FGD3: variants seen among roughly 807,000 people sequenced by gnomAD.
FGD3 encodes the protein FYVE, RhoGEF and PH domain-containing protein 3.
In FGD3, 45 loss-of-function variants were observed where a neutral mutation model predicts 71.8. The ratio of observed to expected loss-of-function variants is 0.63; its 90% CI spans 0.49 to 0.80. FGD3 has a LOEUF of 0.80. FGD3 is among the 30% of genes least tolerant of loss of function. The probability of loss-of-function intolerance (pLI) is 0.00; values close to 1 mark genes in which losing one functional copy is unlikely to be tolerated. For synonymous variants in FGD3, 378 were observed against 392.8 expected, an observed-to-expected ratio of 0.96 and a Z score of 0.44; for missense variants, 844 against 951.5, an observed-to-expected ratio of 0.89 and a Z score of 1.49.
chr9:93,032,648 C>T, intron 15 of FGD3, 121 bp from the exon 16 acceptor site: 1 of 909,494 alleles, frequency 1.1e-6, no homozygotes, highest in Non-Finnish European at 1.8e-6. Flanking sequence ...CGCCACACGC[C>T]ACACTGTGTT....
intron 8 of FGD3, among the ~76,000 whole-genome samples, chr9:93,011,538 C>T (rs1444500300): frequency 6.6e-6 from 1 of 152,216 alleles, no homozygotes; most frequent in Non-Finnish European, 1.5e-5. Context: ...GAGCCTGTCT[C>T]ACTGGGCATC....
At chr9:92,965,005 C>T (rs2118529456) in intron 1 of FGD3, among the ~76,000 whole-genome samples, 1 of 152,356 alleles carries the variant, frequency 6.6e-6, no homozygotes, top group South Asian at 2.1e-4. Context: ...GCTGCGCCCA[C>T]CAAAGCCTCC....
intron 1 of FGD3, among the ~76,000 whole-genome samples, chr9:92,962,272 C>A (rs1400293703): frequency 1.3e-5 from 2 of 152,212 alleles, no homozygotes; most frequent in Non-Finnish European, 2.9e-5. Context: ...TTTATCATGA[C>A]CCTCTTAGGA....
At chr9:92,996,366 TTTC>T (rs1259928075) in intron 3 of FGD3, among the ~76,000 whole-genome samples, 2 of 152,216 alleles carry the variant, frequency 1.3e-5, no homozygotes, top group African/African-American at 4.8e-5. Context: ...TTTTCTCTCT[TTTC>T]TTCTTTATTA....
Position 93,013,228 on chromosome 9 carries a change from C to A in FGD3, c.1036-624C>A, listed in dbSNP as rs76407858. Among the ~76,000 whole-genome samples, 76 of 152,370 alleles carry A rather than the reference C, an allele frequency of 5.0e-4. 2 individuals carry two copies. In the East Asian group the frequency reaches 0.015, roughly 29 times the overall value. On this transcript the variant is annotated intron_variant, in intron 8 of 17. Coordinates refer to ENST00000375482, the MANE Select transcript of FGD3 (RefSeq NM_001083536.2). ...CAGAGACGGAAGGGTCAGCCAAACCCAGCCGCCTCCAGGATGTACAGGCTG... is the reference window on the plus strand; with the variant it reads ...CAGAGACGGAAGGGTCAGCCAAACCAAGCCGCCTCCAGGATGTACAGGCTG...
chr9:92,971,174 GGACTTCA>G (rs1385723879), intron 1 of FGD3, among the ~76,000 whole-genome samples: 1 of 152,154 alleles, frequency 6.6e-6, no homozygotes, highest in African/African-American at 2.4e-5. Context: ...CTGGGGGCTA[GGACTTCA>G]GTGTGTGAAT....
chr9:92,948,407 G>T (rs1168434789), intron 1 of FGD3, among the ~76,000 whole-genome samples: 1 of 152,254 alleles, frequency 6.6e-6, no homozygotes, highest in Admixed American at 6.5e-5. Context: ...AGGCCGCAAG[G>T]CTGGCCGTGT....
chr9:92,965,142 T>G (rs527757433), intron 1 of FGD3, among the ~76,000 whole-genome samples: 19 of 152,288 alleles, frequency 1.2e-4, no homozygotes, highest in African/African-American at 4.6e-4. Context: ...TTGTGCCCAC[T>G]GTGCAGAGGG....
In FGD3 at chr9:93,003,286, G is replaced by A. The variant is rs139284637; in HGVS notation, c.543+272G>A. On this transcript the variant is annotated intron_variant, in intron 4 of 17. Transcript: ENST00000375482. The surrounding 1 kb of genome is among the most constrained non-coding windows in gnomAD (Gnocchi z 4.1). ...TGGGACTACAGGCACATGCCACCAC[G>A]CCCAGCTAATTTTTGTATTTATAGT... 0.017 allele frequency among the ~76,000 whole-genome samples: 2,651 copies of A among 152,106 alleles called. 50 individuals carry two copies. The highest frequency in any genetic ancestry group is 0.045 in the Admixed American group (689 of 15,280).
In FGD3 at chr9:92,992,448, T is replaced by C. The variant is rs11531839; in HGVS notation, c.454-10477T>C. Among the ~76,000 whole-genome samples, 2,775 of 152,288 alleles carry C rather than the reference T, an allele frequency of 0.018. 250 individuals are homozygous for C. The East Asian group carries it at 0.29, about 16-fold the overall frequency. ...GATGAATTCCCTTAGATTTTGCTTG[T>C]TGGTTAAAGATTTTATTCCTCATTC... On this transcript the variant is annotated intron_variant, in intron 3 of 17. Transcript: ENST00000375482.
intron 1 of FGD3, among the ~76,000 whole-genome samples, chr9:92,965,364 C>G (rs545399951): frequency 6.6e-6 from 1 of 152,212 alleles, no homozygotes; most frequent in African/African-American, 2.4e-5. Flanking sequence ...GCTGACTTGC[C>G]CTGGGCCCCC....
intron 13 of FGD3, among the ~76,000 whole-genome samples, chr9:93,020,879 G>A (rs572150697): frequency 3.9e-5 from 6 of 152,342 alleles, no homozygotes; most frequent in Middle Eastern, 3.4e-3. Flanking sequence ...AAGTGCCGCT[G>A]CAGCCTGCTG....
chr9:92,954,928 G>A (rs1192879502), intron 1 of FGD3, among the ~76,000 whole-genome samples: 2 of 152,328 alleles, frequency 1.3e-5, no homozygotes, highest in Non-Finnish European at 2.9e-5. Flanking sequence ...GATGCTTGGA[G>A]CATCGTTGCC....
At chr9:92,961,027 G>A (rs1859158431) in intron 1 of FGD3, among the ~76,000 whole-genome samples, 1 of 152,050 alleles carries the variant, frequency 6.6e-6, no homozygotes, top group Non-Finnish European at 1.5e-5. Context: ...CCTGGTGGGC[G>A]GGCACTCCCC....
intron 6 of FGD3, among the ~76,000 whole-genome samples, chr9:93,007,381 C>T (rs762534224): frequency 5.3e-5 from 8 of 152,214 alleles, no homozygotes; most frequent in African/African-American, 9.7e-5. Context: ...TGAGCCACCG[C>T]GCCTGGCCCA....
chr9:92,953,661 G>A (rs1431543793), intron 1 of FGD3, among the ~76,000 whole-genome samples: 1 of 152,128 alleles, frequency 6.6e-6, no homozygotes, highest in Admixed American at 6.6e-5. Flanking sequence ...TTCCAGATCT[G>A]GGCTTGTCCA....
chr9:93,013,482 G>A (rs535282009), intron 8 of FGD3, among the ~76,000 whole-genome samples: 2 of 152,330 alleles, frequency 1.3e-5, no homozygotes, highest in East Asian at 3.9e-4. Flanking sequence ...CATATGGATT[G>A]TCCGAGTCTG....
chr9:92,982,912 C>G (rs528588326), intron 3 of FGD3, among the ~76,000 whole-genome samples: 142 of 152,062 alleles, frequency 9.3e-4, no homozygotes, highest in Non-Finnish European at 3.8e-4. Flanking sequence ...ATGGCCAAAC[C>G]CTGTCTCTAC....
intron 3 of FGD3, among the ~76,000 whole-genome samples, chr9:92,981,881 T>C (rs759300721): frequency 2.0e-5 from 3 of 152,186 alleles, no homozygotes; most frequent in Non-Finnish European, 2.9e-5. Context: ...GCTGTACATA[T>C]ACCTGAGTTA....
Sources: gnomAD v4.1 joint callset for allele counts (sites outside exome capture counted in the v4.1 genomes callset) on GRCh38, gnomAD v4.1.1 for gene constraint, Gnocchi (gnomAD v3.1) non-coding constraint, MANE v1.5 for transcripts, NCBI Gene and HGNC (gene_info 2026-07-23, HGNC 2026-07-21) for gene names.